Variants in CDH18 observed in about 807,000 individuals in gnomAD.
CDH18 encodes the protein cadherin-18.
In CDH18, 31 loss-of-function variants were observed where a neutral mutation model predicts 67.9. That is an observed-to-expected ratio of 0.46 (90% CI 0.34 to 0.62). CDH18 has a LOEUF of 0.62. Among genes scored for constraint, CDH18 ranks in the 20% least tolerant of loss-of-function variants. The pLI is 0.01. For synonymous variants in CDH18, 362 were observed against 347.2 expected (o/e 1.04, Z -0.48); for missense variants, 890 against 975.5 (o/e 0.91, Z 1.17).
intron 2 of CDH18, among the ~76,000 whole-genome samples, chr5:20,151,843 A>C (rs184924420): frequency 6.6e-6 from 1 of 152,048 alleles, no homozygotes; most frequent in Admixed American, 6.6e-5. Flanking sequence ...TAGAATCATC[A>C]CTGGAAATAT....
intron 10 of CDH18, among the ~76,000 whole-genome samples, chr5:19,504,549 A>G (rs1205217333): frequency 6.6e-6 from 1 of 152,124 alleles, no homozygotes; most frequent in Non-Finnish European, 1.5e-5. Flanking sequence ...TCTGAGGAAC[A>G]TATATACATT....
At chr5:19,826,660 G>C (rs1276745576) in intron 3 of CDH18, among the ~76,000 whole-genome samples, 2 of 152,078 alleles carry the variant, frequency 1.3e-5, no homozygotes, top group Non-Finnish European at 2.9e-5. Flanking sequence ...GAGAAATAAG[G>C]TTCTTTTCAG....
intron 5 of CDH18, among the ~76,000 whole-genome samples, chr5:19,719,109 C>T (rs1194628752): frequency 2.6e-5 from 4 of 151,984 alleles, no homozygotes. Flanking sequence ...CATTCAGACA[C>T]ATGAACACAC....
At chr5:19,831,640 A>G (rs1241298542) in intron 3 of CDH18, among the ~76,000 whole-genome samples, 1 of 152,138 alleles carries the variant, frequency 6.6e-6, no homozygotes, top group Admixed American at 6.6e-5. Flanking sequence ...GGGAACACAT[A>G]CACTCTTGGT....
At chr5:20,088,487 T>A (rs879732264) in intron 2 of CDH18, among the ~76,000 whole-genome samples, 2 of 152,158 alleles carry the variant, frequency 1.3e-5, no homozygotes, top group African/African-American at 4.8e-5. Context: ...ATATTTCTTT[T>A]CTCCTGGATG....
intron 1 of CDH18, among the ~76,000 whole-genome samples, chr5:20,547,069 G>C (rs1023206562): frequency 2.6e-5 from 4 of 151,570 alleles, no homozygotes; most frequent in African/African-American, 4.9e-5. Flanking sequence ...ACTAAAACAA[G>C]AAACAAATTT....
At chr5:19,720,523 C>A (rs80050611) in intron 5 of CDH18, among the ~76,000 whole-genome samples, 3,842 of 152,170 alleles carry the variant, frequency 0.025, 123 homozygotes, top group African/African-American at 0.075. Flanking sequence ...AAATTTTTAG[C>A]AACAAATTGA....
chr5:19,997,522 TC>T (rs1561698948), intron 2 of CDH18, among the ~76,000 whole-genome samples: 1 of 152,148 alleles, frequency 6.6e-6, no homozygotes, highest in Non-Finnish European at 1.5e-5. Flanking sequence ...TATCTAGGCT[TC>T]CAGTATCACT....
At position 19,663,678 on chromosome 5, in the gene CDH18, T is replaced by A. The variant is rs76795797; in HGVS notation, c.644-51077A>T. Among the ~76,000 whole-genome samples the A allele has an allele frequency of 1.4e-3, 220 of 152,074 alleles. 5 individuals are homozygous for A. The East Asian group carries it at 0.037, about 26-fold the overall frequency. Reference sequence around the variant, plus strand: ...GGATGATTTCACTTTGTATTACTATTTTAGGCACTGAAAATCCTGCACACA... The same window carrying A: ...GGATGATTTCACTTTGTATTACTATATTAGGCACTGAAAATCCTGCACACA... On this transcript the variant is annotated intron_variant, in intron 5 of 12. Coordinates refer to ENST00000382275, the MANE Select transcript of CDH18 (RefSeq NM_004934.5).
At chr5:20,563,759 G>C (rs888229828) in intron 1 of CDH18, among the ~76,000 whole-genome samples, 2 of 152,084 alleles carry the variant, frequency 1.3e-5, no homozygotes, top group South Asian at 2.1e-4. Context: ...TGATATGTTA[G>C]AGAGCTCTAT....
intron 2 of CDH18, among the ~76,000 whole-genome samples, chr5:19,882,453 A>T (rs1169883589): frequency 6.6e-6 from 1 of 152,148 alleles, no homozygotes; most frequent in Non-Finnish European, 1.5e-5. Flanking sequence ...AGGATCATTA[A>T]GTCAAATGAA....
chr5:20,458,386 G>T (rs1258901061), intron 1 of CDH18, among the ~76,000 whole-genome samples: 1 of 152,188 alleles, frequency 6.6e-6, no homozygotes, highest in Non-Finnish European at 1.5e-5. Flanking sequence ...GGGAGGTTGA[G>T]GCAGGCAGAT....
chr5:19,520,091 A>T (rs1746652400), intron 10 of CDH18, among the ~76,000 whole-genome samples: 1 of 152,162 alleles, frequency 6.6e-6, no homozygotes, highest in Admixed American at 6.5e-5. Context: ...TCTATTTGCT[A>T]TAGGCAACCA....
chr5:20,131,755 C>T (rs1353984908), intron 2 of CDH18, among the ~76,000 whole-genome samples: 10 of 152,272 alleles, frequency 6.6e-5, no homozygotes, highest in African/African-American at 2.4e-4. Flanking sequence ...GGTTGTATAA[C>T]TACACCACTT....
chr5:20,092,712 T>C (rs911897342), intron 2 of CDH18, among the ~76,000 whole-genome samples: 2 of 152,178 alleles, frequency 1.3e-5, no homozygotes, highest in Non-Finnish European at 2.9e-5. Flanking sequence ...TTGCTTGCCA[T>C]AGTTCAGCAG....
intron 2 of CDH18, among the ~76,000 whole-genome samples, chr5:20,183,314 A>G (rs1428198046): frequency 6.6e-6 from 1 of 152,108 alleles, no homozygotes; most frequent in Non-Finnish European, 1.5e-5. Context: ...TTTAGTTCCA[A>G]GATAATTATT....
chr5:19,586,706 TCCTTTGGGTATATAC>T (rs1202332151), intron 7 of CDH18, among the ~76,000 whole-genome samples: 1 of 152,192 alleles, frequency 6.6e-6, no homozygotes, highest in Non-Finnish European at 1.5e-5. Context: ...TGAATGATAT[TCCTTTGGGTATATAC>T]CCAGTAATGG....
intron 3 of CDH18, among the ~76,000 whole-genome samples, chr5:19,774,931 G>A (rs1774175247): frequency 6.9e-6 from 1 of 145,970 alleles, no homozygotes; most frequent in South Asian, 2.3e-4. Flanking sequence ...GAACCCAACG[G>A]ACCACGCAAT....
chr5:20,194,250 A>T (rs1396774563), intron 2 of CDH18, among the ~76,000 whole-genome samples: 3 of 152,128 alleles, frequency 2.0e-5, no homozygotes, highest in South Asian at 2.1e-4. Context: ...CCTTGTGATA[A>T]GCAACTTCAG....
Sources: gnomAD v4.1 joint callset for allele counts (sites outside exome capture counted in the v4.1 genomes callset) on GRCh38, gnomAD v4.1.1 for gene constraint, MANE v1.5 for transcripts, NCBI Gene and HGNC (gene_info 2026-07-23, HGNC 2026-07-21) for gene names.